The following LIMS1 variants were observed in gnomAD, a reference collection of about 807,000 sequenced individuals.
LIMS1 encodes LIM and senescent cell antigen-like-containing domain protein 1.
Under a neutral mutation model 44.1 loss-of-function variants are expected in LIMS1, and 18 were observed. The ratio of observed to expected loss-of-function variants is 0.41; its 90% CI spans 0.28 to 0.61. The LOEUF (loss-of-function observed/expected upper bound fraction) is 0.61, where lower values mean the gene tolerates loss of function less well. Ranked by LOEUF, LIMS1 falls within the 20% of genes least tolerant of loss-of-function variation. The probability of loss-of-function intolerance (pLI) is 0.32; values close to 1 mark genes in which losing one functional copy is unlikely to be tolerated. For synonymous variants in LIMS1, 93 were observed against 149.1 expected, an observed-to-expected ratio of 0.62 and a Z score of 2.74; for missense variants, 201 against 422.0, an observed-to-expected ratio of 0.48 and a Z score of 4.59.
intron 1 of LIMS1, among the ~76,000 whole-genome samples, chr2:108,587,049 A>C (rs543374013): frequency 6.6e-6 from 1 of 152,308 alleles, no homozygotes; most frequent in Non-Finnish European, 1.5e-5. Context: ...AGAGTACGTG[A>C]AGGTGAAGCC....
At chr2:108,580,427 G>C (rs1685841753) in intron 1 of LIMS1, among the ~76,000 whole-genome samples, 1 of 152,156 alleles carries the variant, frequency 6.6e-6, no homozygotes, top group Non-Finnish European at 1.5e-5. Flanking sequence ...AGGACAACTA[G>C]ATCTGTTACC....
intron 2 of LIMS1, among the ~76,000 whole-genome samples, chr2:108,664,323 A>G (rs781464330): frequency 1.3e-4 from 20 of 152,368 alleles, no homozygotes; most frequent in Middle Eastern, 3.4e-3. Context: ...AAAGCAGCTC[A>G]GAATAATTGT....
At chr2:108,623,161 C>T (rs544977051) in intron 1 of LIMS1, among the ~76,000 whole-genome samples, 1 of 151,930 alleles carries the variant, frequency 6.6e-6, no homozygotes, top group African/African-American at 2.4e-5. Context: ...GATCATTTTC[C>T]TTATTCAGAA....
intron 1 of LIMS1, among the ~76,000 whole-genome samples, chr2:108,626,354 AAC>A (rs1688575254): frequency 6.6e-6 from 1 of 152,246 alleles, no homozygotes; most frequent in South Asian, 2.1e-4. Flanking sequence ...ACAATGAGCA[AAC>A]ACATGGGACA....
chr2:108,654,022 G>C (rs890743520), intron 1 of LIMS1, among the ~76,000 whole-genome samples: 2 of 118,606 alleles, frequency 1.7e-5, no homozygotes, highest in African/African-American at 5.3e-5. Flanking sequence ...AGCCTCAAAG[G>C]GATGACTTTG....
intron 1 of LIMS1, chr2:108,621,441 GTTACCAGAGGAA>G: frequency 6.4e-7 from 1 of 1,551,146 alleles, no homozygotes. Flanking sequence ...GAGTAAATGG[GTTACCAGAGGAA>G]GAGCTAAGGT....
At chr2:108,562,947 G>A (rs959784560) in intron 1 of LIMS1, among the ~76,000 whole-genome samples, 2 of 152,312 alleles carry the variant, frequency 1.3e-5, no homozygotes, top group East Asian at 1.9e-4. Context: ...ATTGAAGCCA[G>A]TGCTCATTTA....
intron 1 of LIMS1, among the ~76,000 whole-genome samples, chr2:108,602,997 G>C (rs893068580): frequency 6.6e-6 from 1 of 152,166 alleles, no homozygotes; most frequent in African/African-American, 2.4e-5. Flanking sequence ...ACCCAGCCAG[G>C]CTGGTCTGGA....
intron 1 of LIMS1, among the ~76,000 whole-genome samples, chr2:108,539,825 A>G (rs1005090067): frequency 1.3e-5 from 2 of 152,132 alleles, no homozygotes; most frequent in Admixed American, 1.3e-4. Flanking sequence ...CTCCGGACTT[A>G]TACTGCTGCT....
intron 1 of LIMS1, among the ~76,000 whole-genome samples, chr2:108,560,487 A>T (rs950208110): frequency 6.6e-6 from 1 of 151,812 alleles, no homozygotes; most frequent in Non-Finnish European, 1.5e-5. Context: ...CGGGGCTTCC[A>T]TCCCAGAGGC....
intron 1 of LIMS1, among the ~76,000 whole-genome samples, chr2:108,611,854 TAC>T (rs1553459759): frequency 8.0e-5 from 10 of 125,224 alleles, no homozygotes; most frequent in East Asian, 2.3e-4. Flanking sequence ...TATATATATA[TAC>T]ACACATATAT....
At chr2:108,552,751 A>AT (rs1238434484) in intron 1 of LIMS1, among the ~76,000 whole-genome samples, 1 of 151,564 alleles carries the variant, frequency 6.6e-6, no homozygotes, top group Admixed American at 6.6e-5. Context: ...TAATTTTTAC[A>AT]TTTTTTTGTA....
chr2:108,668,978 A>T (rs1558838483), intron 2 of LIMS1, among the ~76,000 whole-genome samples: 1 of 152,230 alleles, frequency 6.6e-6, no homozygotes, highest in Non-Finnish European at 1.5e-5. Context: ...GTGTGCCTGT[A>T]ATCCCAGCTA....
chr2:108,684,300 T>C (rs1693194591), exon 10 of LIMS1: 1 of 160,182 alleles, frequency 6.2e-6, no homozygotes, highest in Admixed American at 6.4e-5. Flanking sequence ...TAAATATAAC[T>C]TTTTAAAATG....
intron 1 of LIMS1, among the ~76,000 whole-genome samples, chr2:108,556,377 A>G (rs1684925053): frequency 2.0e-5 from 3 of 152,182 alleles, no homozygotes; most frequent in South Asian, 2.1e-4. Context: ...CCTTTTGGCT[A>G]TTGTGAGTAA....
At chr2:108,533,710 C>T (rs1188263547), upstream of LIMS1, 1 of 152,568 alleles carries the variant, frequency 6.6e-6, no homozygotes, top group African/African-American at 2.4e-5. Flanking sequence ...TGCGCCGGCC[C>T]CAAAATTTCA....
At chr2:108,678,109 G>T in intron 8 of LIMS1, 82 bp downstream of exon 8, 2 of 1,601,390 alleles carry the variant, frequency 1.2e-6, no homozygotes, top group Non-Finnish European at 8.5e-7. Context: ...GTTGGTGATT[G>T]TATGGTTTGA....
chr2:108,543,832 A>T (rs1308328100), intron 1 of LIMS1, among the ~76,000 whole-genome samples: 1 of 152,202 alleles, frequency 6.6e-6, no homozygotes, highest in Admixed American at 6.5e-5. Flanking sequence ...CTGGTTGCAG[A>T]AATAAAAACT....
intron 1 of LIMS1, among the ~76,000 whole-genome samples, chr2:108,561,750 T>TTG (rs1685130258): frequency 6.6e-6 from 1 of 150,936 alleles, no homozygotes; most frequent in South Asian, 2.1e-4. Context: ...TTTTTTGTTT[T>TTG]TTTTTTTTTT....
Sources: gnomAD v4.1 joint callset for allele counts (sites outside exome capture counted in the v4.1 genomes callset) on GRCh38, gnomAD v4.1.1 for gene constraint, MANE v1.5 for transcripts, NCBI Gene and HGNC (gene_info 2026-07-23, HGNC 2026-07-21) for gene names.